NF2: variants seen among roughly 807,000 people sequenced by gnomAD.
NF2 encodes the protein merlin.
A neutral mutation model predicts 83.7 loss-of-function variants in NF2; 8 were observed. That is an observed-to-expected ratio of 0.10 (90% CI 0.06 to 0.17). The LOEUF (loss-of-function observed/expected upper bound fraction) is 0.17. Ranked by LOEUF, NF2 falls within the 10% of genes least tolerant of loss-of-function variation. The pLI, the probability that NF2 is intolerant of heterozygous loss-of-function variation, is 1.00. For missense variants in NF2, 533 were observed against 744.4 expected, an observed-to-expected ratio of 0.72 and a Z score of 3.31; for synonymous variants, 266 against 269.6, an observed-to-expected ratio of 0.99 and a Z score of 0.13.
At chr22:29,621,566 C>G (rs1010137510) in intron 1 of NF2, among the ~76,000 whole-genome samples, 3 of 152,064 alleles carry the variant, frequency 2.0e-5, no homozygotes, top group Non-Finnish European at 2.9e-5. Flanking sequence ...TCTCGGGAGG[C>G]TGAGGTGGGA....
At chr22:29,637,865 C>T (rs1046294751) in intron 2 of NF2, among the ~76,000 whole-genome samples, 2 of 152,140 alleles carry the variant, frequency 1.3e-5, no homozygotes, top group Admixed American at 6.5e-5. Context: ...GTGAGGGTGT[C>T]GTAGACCAGA....
At chr22:29,692,313 C>T (rs1275207747) in intron 15 of NF2, among the ~76,000 whole-genome samples, 1 of 152,198 alleles carries the variant, frequency 6.6e-6, no homozygotes. Flanking sequence ...TTACTTGTGG[C>T]TGAGGCGAAG....
intron 15 of NF2, among the ~76,000 whole-genome samples, chr22:29,693,556 G>A (rs1289285545): frequency 6.6e-6 from 1 of 152,214 alleles, no homozygotes; most frequent in East Asian, 1.9e-4. Flanking sequence ...GAGGGGTCCA[G>A]AGAATGGGCC....
At chr22:29,623,394 G>A (rs928758626) in intron 1 of NF2, among the ~76,000 whole-genome samples, 1 of 152,128 alleles carries the variant, frequency 6.6e-6, no homozygotes, top group Non-Finnish European at 1.5e-5. Flanking sequence ...AAAATGATTT[G>A]GAACGTTTGG....
intron 1 of NF2, among the ~76,000 whole-genome samples, chr22:29,605,648 G>A (rs564334659): frequency 7.2e-5 from 11 of 152,074 alleles, no homozygotes; most frequent in African/African-American, 2.7e-4. Context: ...TAAACCCTCC[G>A]GCAATGGTCC....
chr22:29,680,215 G>A (rs181563233), intron 14 of NF2, among the ~76,000 whole-genome samples: 14 of 151,854 alleles, frequency 9.2e-5, no homozygotes, highest in African/African-American at 2.2e-4. Context: ...GGGTGCAAGC[G>A]ATTCTCCTGC....
At chr22:29,619,015 G>T (rs1469671160) in intron 1 of NF2, among the ~76,000 whole-genome samples, 1 of 152,052 alleles carries the variant, frequency 6.6e-6, no homozygotes, top group Non-Finnish European at 1.5e-5. Context: ...AGTGCAACAA[G>T]AAACTTCTAT....
At chr22:29,644,676 C>T (rs1302796284) in intron 4 of NF2, among the ~76,000 whole-genome samples, 3 of 152,080 alleles carry the variant, frequency 2.0e-5, no homozygotes, top group East Asian at 1.9e-4. Context: ...CCCGGCACCT[C>T]GGGAGGCCGA....
chr22:29,629,792 G>C (rs967320390), intron 1 of NF2, among the ~76,000 whole-genome samples: 3 of 152,162 alleles, frequency 2.0e-5, no homozygotes, highest in South Asian at 2.1e-4. Flanking sequence ...GGCATTCTTC[G>C]TGTGGCTGAT....
At chr22:29,650,450 C>A (rs1432068394) in intron 4 of NF2, among the ~76,000 whole-genome samples, 1 of 152,100 alleles carries the variant, frequency 6.6e-6, no homozygotes, top group East Asian at 1.9e-4. Flanking sequence ...AACTTACTGT[C>A]CATTTGTATT....
intron 7 of NF2, among the ~76,000 whole-genome samples, chr22:29,658,648 G>A (rs969299622): frequency 1.8e-4 from 5 of 27,152 alleles, no homozygotes; most frequent in Admixed American, 5.1e-4. Context: ...CCCACCCCAG[G>A]CACTAGTAGA....
At chr22:29,673,825 C>T (rs1003930015) in intron 12 of NF2, among the ~76,000 whole-genome samples, 2 of 152,202 alleles carry the variant, frequency 1.3e-5, no homozygotes, top group Non-Finnish European at 2.9e-5. Flanking sequence ...TGAGGAGGCT[C>T]TTTGTGCATT....
rs2067581041 is a variant in NF2, at chr22:29,697,332, G to A, written c.*2530G>A. On this transcript the variant is annotated 3_prime_UTR_variant, in exon 16 of 16. Coordinates refer to ENST00000338641, the MANE Select transcript of NF2 (RefSeq NM_000268.4). ...CTCAAGGGAGCTGGCTGGTGTTTGA[G>A]CTGTGGCAGAAGCACCTGGGGCTCC... 3 of 201,058 alleles carry A rather than the reference G, an allele frequency of 1.5e-5. No homozygotes were observed. In the East Asian group the frequency reaches 2.2e-4, roughly 15 times the overall value. The allele number at this position is 201,058 out of a possible 1,614,324, so 12.5% of individuals were successfully genotyped here.
At chr22:29,616,119 A>T (rs1019783194) in intron 1 of NF2, among the ~76,000 whole-genome samples, 1 of 152,212 alleles carries the variant, frequency 6.6e-6, no homozygotes, top group Non-Finnish European at 1.5e-5. Flanking sequence ...GGATAGGCAT[A>T]TCTACAGAGA....
chr22:29,683,688 A>C, intron 15 of NF2: 17 of 1,072,062 alleles, frequency 1.6e-5, no homozygotes, highest in Non-Finnish European at 1.9e-5. Flanking sequence ...GTGCTCAGCC[A>C]CCTCTGCTTC....
At chr22:29,623,506 T>C (rs982436243) in intron 1 of NF2, among the ~76,000 whole-genome samples, 3 of 152,122 alleles carry the variant, frequency 2.0e-5, no homozygotes, top group Non-Finnish European at 4.4e-5. Context: ...TGGGACTTGC[T>C]GGGGGTTGGG....
chr22:29,641,194 G>A (rs2065802633), intron 3 of NF2, among the ~76,000 whole-genome samples: 1 of 152,122 alleles, frequency 6.6e-6, no homozygotes, highest in South Asian at 2.1e-4. Flanking sequence ...CCTCTCTTTG[G>A]AAATGAAACC....
intron 4 of NF2, among the ~76,000 whole-genome samples, chr22:29,651,769 C>T (rs1454475591): frequency 1.3e-5 from 2 of 152,180 alleles, no homozygotes; most frequent in African/African-American, 4.8e-5. Flanking sequence ...TAGCTGAGAA[C>T]TTGGTATAAT....
intron 1 of NF2, among the ~76,000 whole-genome samples, chr22:29,612,463 C>T (rs1363473524): frequency 1.3e-5 from 2 of 151,632 alleles, no homozygotes; most frequent in African/African-American, 4.8e-5. Flanking sequence ...GCTCAGACCA[C>T]AGGCATGCGC....
Sources: gnomAD v4.1 joint callset for allele counts (sites outside exome capture counted in the v4.1 genomes callset) on GRCh38, gnomAD v4.1.1 for gene constraint, MANE v1.5 for transcripts, NCBI Gene and HGNC (gene_info 2026-07-23, HGNC 2026-07-21) for gene names.